Variants in POLL observed in about 807,000 individuals in gnomAD.
The protein encoded by POLL is DNA polymerase beta-2.
POLL carries 44 observed loss-of-function variants against 58.1 expected under a neutral mutation model. The ratio of observed to expected loss-of-function variants is 0.76; its 90% CI spans 0.60 to 0.97. POLL has a LOEUF of 0.97. POLL is among the 50% of genes least tolerant of loss of function. POLL has a pLI of 0.00. For synonymous variants in POLL, 290 were observed against 283.2 expected (o/e 1.02, Z -0.24); for missense variants, 632 against 736.8 (o/e 0.86, Z 1.65).
chr10:101,587,672 G>T, intron 1 of POLL, 150 bp downstream of exon 1: 1 of 968,464 alleles, frequency 1.0e-6, no homozygotes, highest in African/African-American at 1.7e-5. Flanking sequence ...ATTCCTCAGA[G>T]GGGTTGCGCT....
In POLL at chr10:101,587,273, T is replaced by C. The variant is rs1168960753; in HGVS notation, c.88A>G (p.Arg30Gly). 3 of 1,613,864 alleles carry C rather than the reference T, an allele frequency of 1.9e-6. No homozygotes were observed. The highest frequency in any genetic ancestry group is 2.5e-6 in the Non-Finnish European group (3 of 1,179,922). Reference sequence around the variant, plus strand: ...TCTGCTTCTTCTCCCTCTTCCCTCCTAGGAATCTTTGCAAGTACTTTTGAT... The same window carrying C: ...TCTGCTTCTTCTCCCTCTTCCCTCCCAGGAATCTTTGCAAGTACTTTTGAT... ...ASSKVLAKIP[R>G]REEGEEAEEW... is the part of the protein sequence containing the mutation. Residue 30 changes from arginine (R) to glycine (G), a missense_variant, in exon 2 of 9, where the codon AGG becomes GGG. Coordinates refer to ENST00000370162, the MANE Select transcript of POLL (RefSeq NM_001174084.2).
rs1472836898 is a variant in POLL, at chr10:101,583,626, ATC to A, written c.945_946del (p.Glu315AspfsTer15). On this transcript the variant is annotated frameshift_variant, in exon 6 of 9. Coordinates refer to ENST00000370162, the MANE Select transcript of POLL (RefSeq NM_001174084.2). LOFTEE classifies it high-confidence loss of function. ...CTTCCGCAAATGCCCGCTCTCCAGG[ATC>A]TCTATGATTTTCTCAGCCATCCGCT... 1 of 1,614,028 alleles carries A rather than the reference ATC, an allele frequency of 6.2e-7. No individual in the cohort carries two copies. Among genetic ancestry groups the A allele is most frequent in the African/African-American group, 1.3e-5 (1 of 74,924 alleles).
chr10:101,585,957 C>CG lies in POLL; in HGVS notation c.314dup (p.Ala107CysfsTer31). The CG allele has an allele frequency of 6.2e-7, 1 of 1,614,024 alleles. No individual in the cohort carries two copies. Among genetic ancestry groups the CG allele is most frequent in the African/African-American group, 1.3e-5 (1 of 75,042 alleles). Reference sequence around the variant, plus strand: ...AGGCTGACTTCACCAGCTGAGCACCCGGGGGCAGCTGGGGTAGTCTGAGAA... The same window carrying CG: ...AGGCTGACTTCACCAGCTGAGCACCCGGGGGGCAGCTGGGGTAGTCTGAGAA... On this transcript the variant is annotated frameshift_variant, in exon 3 of 9. Transcript: ENST00000370162. LOFTEE classifies it high-confidence loss of function.
rs1355159996 is a variant in POLL at position 101,587,977 on chromosome 10, G to C, written c.-202C>G. 4 of 1,290,224 alleles carry C rather than the reference G, an allele frequency of 3.1e-6. No homozygotes were observed. The East Asian group carries it at 1.5e-4, about 48-fold the overall frequency. 79.9% of individuals were successfully genotyped at this position (1,290,224 alleles called of 1,614,324 possible). On this transcript the variant is annotated 5_prime_UTR_variant, in exon 1 of 9. Transcript: ENST00000370162. ...CCGCAGCAGGTGTGGGGAGCCCTCC[G>C]GGAATGGAGGAGTCTCGCAGCTGCG...
rs1186932100 is a variant in POLL, at chr10:101,588,137, GT to G, written c.-363del. ...AGAGTCTCTCCAACCCCCAGAGTCGGTCCCCGGGTGGGGTCGACTACTGGCC... is the reference window on the plus strand; with the variant it reads ...AGAGTCTCTCCAACCCCCAGAGTCGGCCCCGGGTGGGGTCGACTACTGGCC... On this transcript the variant is annotated 5_prime_UTR_variant, in exon 1 of 9. Transcript: ENST00000370162. 3 of 1,516,616 alleles carry G rather than the reference GT, an allele frequency of 2.0e-6. No homozygotes were observed. Among genetic ancestry groups the G allele is most frequent in the Non-Finnish European group, 2.6e-6 (3 of 1,134,368 alleles). 93.9% of individuals were successfully genotyped at this position (1,516,616 alleles called of 1,614,324 possible). A position where few individuals can be genotyped will look rare whatever the true frequency, so the allele number is the denominator to read the frequency against.
Position 101,580,047 on chromosome 10 carries a change from C to T in POLL, c.1363+201G>A. The T allele has an allele frequency of 1.5e-6, 1 of 679,380 alleles. No homozygotes were observed. Among genetic ancestry groups the T allele is most frequent in the Non-Finnish European group, 2.5e-6 (1 of 407,402 alleles). The allele number at this position is 679,380 out of a possible 1,614,324, so 42.1% of individuals were successfully genotyped here. ...TACTTGGCCTGCAGGGTTCACTGAG[C>T]ACCTCCACATAGGTGTGGCGGGGCT... is the stretch of plus-strand genomic sequence containing the variant. On this transcript the variant is annotated intron_variant, in intron 8 of 8. Transcript: ENST00000370162. The surrounding 1 kb of genome is among the most constrained non-coding windows in gnomAD (Gnocchi z 4.1).
In POLL at chr10:101,579,362, A is replaced by T; in HGVS notation, c.*91T>A. ...GAGGAAGCTGGTGGTTGGAGCGGCG[A>T]GGTTCAGCCAGCTGAGGCTGGAGGG... On this transcript the variant is annotated 3_prime_UTR_variant, in exon 9 of 9. Transcript: ENST00000370162. This position sits in a 1 kb window ranked among gnomAD's most constrained non-coding sequence, Gnocchi z 4.4. 6.9e-7 allele frequency: 1 copy of T among 1,439,210 alleles called. No homozygotes were observed. Among genetic ancestry groups the T allele is most frequent in the Non-Finnish European group, 9.3e-7 (1 of 1,075,172 alleles). 89.2% of individuals were successfully genotyped at this position (1,439,210 alleles called of 1,614,324 possible).
Position 101,579,678 on chromosome 10 carries a change from A to G in POLL, c.1503T>C (p.Cys501=), listed in dbSNP as rs2062867489. ...IIVVPYSEFA[C]ALLYFTGSAH... ...CAGAGCCGGTGAAGTAGAGCAGGGC[A>G]CAGGCAAACTCGCTATAGGGCACCA... The change falls in exon 9 of 9, where the codon TGT becomes TGC. Residue 501 remains cysteine (C), a synonymous_variant. Coordinates refer to ENST00000370162, the MANE Select transcript of POLL (RefSeq NM_001174084.2). This position sits in a 1 kb window ranked among gnomAD's most constrained non-coding sequence, Gnocchi z 4.4. 5 of 1,613,774 alleles carry G rather than the reference A, an allele frequency of 3.1e-6. No homozygotes were observed. Among genetic ancestry groups the G allele is most frequent in the Non-Finnish European group, 3.4e-6 (4 of 1,180,024 alleles).
rs760548020 is a variant in POLL, at chr10:101,585,436, A to C, written c.453T>G (p.Ala151=). Residue 151 remains alanine, a synonymous_variant, in exon 4 of 9, where the codon GCT becomes GCG. Coordinates refer to ENST00000370162, the MANE Select transcript of POLL (RefSeq NM_001174084.2). ...HPQPSKAEQD[A]SIPPGTHEAL... is the part of the protein sequence containing the mutation. ...CCTCATGGGTGCCAGGAGGAATAGA[A>C]GCATCCTGCTCTGCCTTGCTGGGCT... 5 of 1,598,684 alleles carry C rather than the reference A, an allele frequency of 3.1e-6. 1 individual carries two copies. The South Asian group carries it at 5.7e-5, about 18-fold the overall frequency.
chr10:101,585,839 A>G, intron 3 of POLL, 23 bp downstream of exon 3: 1 of 1,508,316 alleles, frequency 6.6e-7, no homozygotes, highest in South Asian at 1.4e-5. Flanking sequence ...AAACATTTGA[A>G]AAAAAGACTG....
At position 101,583,511 on chromosome 10, in the gene POLL, T is replaced by C. The variant is rs183248417; in HGVS notation, c.1062A>G (p.Gln354=). The change falls in exon 6 of 9, where the codon CAA becomes CAG. Residue 354 remains glutamine (Q), a synonymous_variant. Transcript: ENST00000370162. The part of the protein sequence containing the change: ...AGTKTAQMWY[Q]QGFRSLEDIR... ...AGGGGCTGAGCCAGGGTGTGACCTGTTGGTACCACATCTGGGCAGTCTTGG... is the reference window on the plus strand; with the variant it reads ...AGGGGCTGAGCCAGGGTGTGACCTGCTGGTACCACATCTGGGCAGTCTTGG... The C allele has an allele frequency of 1.9e-6, 3 of 1,612,666 alleles. No individual in the cohort carries two copies. The highest frequency in any genetic ancestry group is 4.5e-5 in the East Asian group (2 of 44,876).
chr10:101,583,036 T>A, intron 6 of POLL, 145 bp from the exon 7 acceptor site: 1 of 847,052 alleles, frequency 1.2e-6, no homozygotes, highest in Non-Finnish European at 2.0e-6. Context: ...GGGTCTGTAC[T>A]CAGCAGGACT....
rs771037975 is a variant in POLL, at chr10:101,579,770, G to A, written c.1411C>T (p.Gln471Ter). The change falls in exon 9 of 9, where the codon CAG (glutamine) becomes TAG (stop). Residue 471 changes from glutamine (Q) to a stop codon, truncating the protein, a stop_gained. Coordinates refer to ENST00000370162, the MANE Select transcript of POLL (RefSeq NM_001174084.2). LOFTEE classifies it high-confidence loss of function. This position sits in a 1 kb window ranked among gnomAD's most constrained non-coding sequence, Gnocchi z 4.4. ...AGCCGGCACACCCCCAAGTACTTCTGTTGCTGACCATTCTCCTCTTGGCTC... is the reference window on the plus strand; with the variant it reads ...AGCCGGCACACCCCCAAGTACTTCTATTGCTGACCATTCTCCTCTTGGCTC... Reference protein sequence around the residue: ...LVSQEENGQQQKYLGVCRLPG... With the variant: ...LVSQEENGQQ 3 of 1,613,770 alleles carry A rather than the reference G, an allele frequency of 1.9e-6. No homozygotes were observed. In the African/African-American group the frequency reaches 4.0e-5, roughly 22 times the overall value.
At position 101,588,152 on chromosome 10, in the gene POLL, C is replaced by A; in HGVS notation, c.-377G>T. On this transcript the variant is annotated 5_prime_UTR_variant, in exon 1 of 9. Transcript: ENST00000370162. ...CCCAGAGTCGGTCCCCGGGTGGGGTCGACTACTGGCCAAGCTAGTCACCCG... is the reference window on the plus strand; with the variant it reads ...CCCAGAGTCGGTCCCCGGGTGGGGTAGACTACTGGCCAAGCTAGTCACCCG... 1 of 1,518,512 alleles carries A rather than the reference C, an allele frequency of 6.6e-7. No individual in the cohort carries two copies. The highest frequency in any genetic ancestry group is 8.8e-7 in the Non-Finnish European group (1 of 1,134,924). The allele number at this position is 1,518,512 out of a possible 1,614,324, so 94.1% of individuals were successfully genotyped here.
chr10:101,580,329 C>T lies in POLL; in HGVS notation c.1282G>A (p.Val428Ile). Residue 428 changes from valine to isoleucine, a missense_variant, in exon 8 of 9, where the codon GTC becomes ATC. Physicochemically the swap from Val to Ile is conservative, Grantham distance 29. Transcript: ENST00000370162. This position sits in a 1 kb window ranked among gnomAD's most constrained non-coding sequence, Gnocchi z 4.1. ...YRRGKATCGD[V>I]DVLITHPDGR... ...TCTGGGTGAGTGATGAGCACGTCGA[C>T]ATCACCACAGGTCGCCTTTCCCCGT... The T allele has an allele frequency of 6.2e-7, 1 of 1,614,074 alleles. No homozygotes were observed. Among genetic ancestry groups the T allele is most frequent in the Non-Finnish European group, 8.5e-7 (1 of 1,179,994 alleles).
chr10:101,579,291 C>T lies in POLL; in HGVS notation c.*162G>A, dbSNP rs1408500826. 1.5e-5 allele frequency: 12 copies of T among 775,088 alleles called. No individual in the cohort carries two copies. The highest frequency in any genetic ancestry group is 3.5e-5 in the African/African-American group (2 of 57,360). 48.0% of individuals were successfully genotyped at this position (775,088 alleles called of 1,614,324 possible). The stretch of plus-strand genomic sequence containing the variant: ...TGGGAGCCGGGCAGACACTGGGAGC[C>T]GGGCTGGCTCTTGCTTCAGGCCCAG... On this transcript the variant is annotated 3_prime_UTR_variant, in exon 9 of 9. Transcript: ENST00000370162. The surrounding 1 kb of genome is among the most constrained non-coding windows in gnomAD (Gnocchi z 4.4).
At position 101,579,848 on chromosome 10, in the gene POLL, C is replaced by T. The variant is rs929763859; in HGVS notation, c.1364-31G>A. 2.5e-6 allele frequency: 4 copies of T among 1,592,882 alleles called. No individual in the cohort carries two copies. The highest frequency in any genetic ancestry group is 3.4e-6 in the Non-Finnish European group (4 of 1,169,274). ...CCAACAGAGGGGACTGCTGGGAGGG[C>T]AGGGAACCAGGCCTGGGCTGTCCCA... is the stretch of plus-strand genomic sequence containing the variant. On this transcript the variant is annotated intron_variant, in intron 8 of 8. Coordinates refer to ENST00000370162, the MANE Select transcript of POLL (RefSeq NM_001174084.2). The surrounding 1 kb of genome is among the most constrained non-coding windows in gnomAD (Gnocchi z 4.4).
At chr10:101,583,412 C>T (rs2063113893) in intron 6 of POLL, 96 bp downstream of exon 6, 3 of 1,366,340 alleles carry the variant, frequency 2.2e-6, no homozygotes, top group African/African-American at 2.8e-5. Context: ...CCCATCAGAG[C>T]ACAGCATAGG....
intron 5 of POLL, among the ~76,000 whole-genome samples, chr10:101,584,307 C>T (rs1475481987): frequency 6.6e-6 from 1 of 151,670 alleles, no homozygotes; most frequent in Non-Finnish European, 1.5e-5. Flanking sequence ...CGGCAAAACA[C>T]CATCTCTGCT....
Sources: allele counts gnomAD v4.1 joint callset (sites outside exome capture counted in the v4.1 genomes callset), GRCh38; gene constraint gnomAD v4.1.1; non-coding constraint Gnocchi (gnomAD v3.1); transcripts MANE v1.5; gene names NCBI Gene and HGNC (gene_info 2026-07-23, HGNC 2026-07-21).